Variants in BEND2 observed in about 807,000 individuals in gnomAD.
BEND2 encodes BEN domain-containing protein 2.
Under a neutral mutation model 43.8 loss-of-function variants are expected in BEND2, and 19 were observed. That is an observed-to-expected ratio of 0.43 (90% confidence interval 0.30 to 0.64). BEND2 has a LOEUF of 0.64. Among genes scored for constraint, BEND2 ranks in the 30% least tolerant of loss-of-function variants. The pLI, the probability that BEND2 is intolerant of heterozygous loss-of-function variation, is 0.11. For synonymous variants in BEND2, 226 were observed against 210.1 expected, an observed-to-expected ratio of 1.08 and a Z score of -0.66; for missense variants, 544 against 574.0, an observed-to-expected ratio of 0.95 and a Z score of 0.53.
At chrX:18,179,179 G>GTTTTTTTT (rs1164362773) in intron 9 of BEND2, among the ~76,000 whole-genome samples, 7 of 58,403 alleles carry the variant, frequency 1.2e-4, no homozygotes, top group African/African-American at 3.5e-4. Context: ...TTTTGTTTCT[G>GTTTTTTTT]TTTTTTTTTT....
rs1040388787 is a variant in BEND2 at position 18,171,279 on chromosome X, A to C, written c.1982-75T>G. 3.5e-5 allele frequency: 37 copies of C among 1,045,131 alleles called. No individual in the cohort carries two copies. The African/African-American group carries it at 5.5e-4, about 15-fold the overall frequency. 86.1% of individuals were successfully genotyped at this position (1,045,131 alleles called of 1,213,427 possible). A position where few individuals can be genotyped will look rare whatever the true frequency, so the allele number is the denominator to read the frequency against. The stretch of plus-strand genomic sequence containing the variant: ...CATTATTTTTTAAAAGCTGAAACAG[A>C]AACGTTGATTTTTCTCAATTGTTAG... On this transcript the variant is annotated intron_variant, in intron 12 of 13. Transcript: ENST00000380033.
chrX:18,194,509 C>A (rs1227218808), intron 7 of BEND2, among the ~76,000 whole-genome samples: 1 of 109,708 alleles, frequency 9.1e-6, no homozygotes, highest in East Asian at 2.9e-4. Flanking sequence ...TACATTTATA[C>A]AAAAATGTGT....
intron 5 of BEND2, among the ~76,000 whole-genome samples, 186 bp downstream of exon 5, chrX:18,203,315 T>A (rs979260060): frequency 7.2e-5 from 8 of 111,807 alleles, no homozygotes; most frequent in African/African-American, 2.6e-4. Flanking sequence ...TTATGAGATG[T>A]TACCACTGGG....
chrX:18,176,018 A>G lies in BEND2; in HGVS notation c.1706T>C (p.Ile569Thr). 1 of 1,197,466 alleles carries G rather than the reference A, an allele frequency of 8.4e-7. No individual in the cohort carries two copies. The highest frequency in any genetic ancestry group is 1.7e-5 in the African/African-American group (1 of 57,333). ...ACATAAACAGTAGATCATAGAATTGATACCAGAAATACAGTCCTGCCAGTC... is the reference window on the plus strand; with the variant it reads ...ACATAAACAGTAGATCATAGAATTGGTACCAGAAATACAGTCCTGCCAGTC... ...GKDWQDCISG[I>T]NSMIYCLCSE... Residue 569 changes from isoleucine (I) to threonine (T), a missense_variant, in exon 11 of 14, where the codon ATC becomes ACC. Ile to Thr is a moderately conservative substitution (Grantham distance 89). Around this residue, in one of 2 missense-constraint regions of BEND2, gnomAD observed 501 missense variants for 501.6 expected, o/e 1.00. Coordinates refer to ENST00000380033, the MANE Select transcript of BEND2 (RefSeq NM_153346.5).
chrX:18,167,282 GA>G (rs1229246542), intron 13 of BEND2, among the ~76,000 whole-genome samples: 3 of 101,074 alleles, frequency 3.0e-5, no homozygotes, highest in Non-Finnish European at 4.1e-5. Context: ...CTGTCTCAAA[GA>G]AAAAAAAAGA....
chrX:18,173,941 A>G, intron 12 of BEND2, 89 bp downstream of exon 12: 1 of 759,887 alleles, frequency 1.3e-6, no homozygotes, highest in East Asian at 3.5e-5. Context: ...TAGAGAGAAT[A>G]GTACAATGAA....
chrX:18,183,586 G>A (rs1924469860), intron 8 of BEND2, among the ~76,000 whole-genome samples: 1 of 112,146 alleles, frequency 8.9e-6, no homozygotes, highest in South Asian at 3.7e-4. Context: ...GGGCTCTTGG[G>A]GTCCCTGATT....
intron 13 of BEND2, among the ~76,000 whole-genome samples, chrX:18,170,729 C>G (rs1923945640): frequency 8.9e-6 from 1 of 112,061 alleles, no homozygotes; most frequent in Non-Finnish European, 1.9e-5. Flanking sequence ...GTTTCCATAC[C>G]CCTGGCAGTC....
At chrX:18,214,810 CAAAAAAAAAAAA>C (rs58814498) in intron 2 of BEND2, among the ~76,000 whole-genome samples, 2 of 35,450 alleles carry the variant, frequency 5.6e-5, no homozygotes, top group Non-Finnish European at 9.1e-5. Context: ...GACTCTGTCT[CAAAAAAAAAAAA>C]AAAAAAAAAA....
At chrX:18,193,690 T>C (rs1364781583) in intron 7 of BEND2, among the ~76,000 whole-genome samples, 1 of 111,659 alleles carries the variant, frequency 9.0e-6, no homozygotes, top group Non-Finnish European at 1.9e-5. Context: ...CTACCACTAG[T>C]TTTACATTAA....
At chrX:18,207,172 G>A (rs1413956406) in intron 4 of BEND2, among the ~76,000 whole-genome samples, 1 of 111,986 alleles carries the variant, frequency 8.9e-6, no homozygotes, top group African/African-American at 3.2e-5. Context: ...TCCCTTGGAA[G>A]CACTCCGCTT....
intron 6 of BEND2, among the ~76,000 whole-genome samples, chrX:18,200,429 G>A (rs1464376044): frequency 1.9e-5 from 2 of 107,060 alleles, no homozygotes; most frequent in African/African-American, 6.9e-5. Flanking sequence ...CTTGAACCCG[G>A]GAGGCAGAAG....
At chrX:18,205,365 A>G (rs1474122705) in intron 4 of BEND2, among the ~76,000 whole-genome samples, 1 of 108,582 alleles carries the variant, frequency 9.2e-6, no homozygotes. Flanking sequence ...GAAGTTCGAG[A>G]CCAGCCTGAG....
At chrX:18,190,350 A>G (rs1924723519) in intron 8 of BEND2, among the ~76,000 whole-genome samples, 1 of 112,035 alleles carries the variant, frequency 8.9e-6, no homozygotes, top group East Asian at 2.8e-4. Context: ...GTGACAAACC[A>G]TGATAAATCC....
intron 7 of BEND2, among the ~76,000 whole-genome samples, chrX:18,193,613 C>A (rs1244197118): frequency 9.0e-6 from 1 of 111,275 alleles, no homozygotes; most frequent in Non-Finnish European, 1.9e-5. Flanking sequence ...TATTTCTCTG[C>A]ATTATTTCTT....
At chrX:18,193,308 A>G (rs1458712433) in intron 7 of BEND2, among the ~76,000 whole-genome samples, 1 of 106,718 alleles carries the variant, frequency 9.4e-6, no homozygotes, top group Non-Finnish European at 1.9e-5. Context: ...ACAGACAGAG[A>G]TTTTTGAGAC....
chrX:18,177,835 C>T, intron 9 of BEND2, 66 bp from the exon 10 acceptor site: 1 of 902,317 alleles, frequency 1.1e-6, no homozygotes, highest in South Asian at 2.2e-5. Context: ...TCAAAGTACA[C>T]AAGAGAATTA....
chrX:18,203,599 G>A lies in BEND2; in HGVS notation c.809C>T (p.Ala270Val), dbSNP rs773693600. Residue 270 changes from alanine to valine, a missense_variant, in exon 5 of 14, where the codon GCA (alanine) becomes GTA (valine). Physicochemically the swap from Ala to Val is moderately conservative, Grantham distance 64 (BLOSUM62 0). This residue lies in a region of BEND2 where 501 missense variants were observed against 501.6 expected (regional missense o/e 1.00). Transcript: ENST00000380033. ...GTAATTCACCACACCAGGGTTATTT[G>A]CCAGACTGGATTCTCTTCGTGACAG... Reference protein sequence around the residue: ...AVLSRRESSLANNPGVVNYSA... With the variant: ...AVLSRRESSLVNNPGVVNYSA... 8.3e-6 allele frequency: 10 copies of A among 1,210,697 alleles called. No homozygotes were observed. The highest frequency in any genetic ancestry group is 3.0e-5 in the East Asian group (1 of 33,845).
intron 8 of BEND2, among the ~76,000 whole-genome samples, chrX:18,189,069 G>A (rs753612835): frequency 4.6e-5 from 5 of 109,101 alleles, no homozygotes; most frequent in Non-Finnish European, 7.6e-5. Flanking sequence ...GCATGGTGGC[G>A]CATGCCTGTA....
Sources: allele counts gnomAD v4.1 joint callset (sites outside exome capture counted in the v4.1 genomes callset), GRCh38; gene constraint gnomAD v4.1.1; regional missense constraint gnomAD v4.1.1; transcripts MANE v1.5; gene names NCBI Gene and HGNC (gene_info 2026-07-23, HGNC 2026-07-21).